Variants in CDH23 observed in about 807,000 individuals in gnomAD.
CDH23 encodes the protein cadherin related 23.
In CDH23, 189 loss-of-function variants were observed where a neutral mutation model predicts 317.1. The observed-to-expected ratio is 0.60, with a 90% CI of 0.53 to 0.67. The LOEUF (loss-of-function observed/expected upper bound fraction) is 0.67. Among genes scored for constraint, CDH23 ranks in the 30% least tolerant of loss-of-function variants. The pLI is 0.00. For missense variants in CDH23, 4,401 were observed against 4,592.4 expected (o/e 0.96, Z 1.20); for synonymous variants, 1,839 against 1,876.8 (o/e 0.98, Z 0.52).
chr10:71,806,254 C>A lies in CDH23; in HGVS notation c.8151C>A (p.Asp2717Glu). The A allele has an allele frequency of 6.4e-7, 1 of 1,567,860 alleles. No homozygotes were observed. The highest frequency in any genetic ancestry group is 8.6e-7 in the Non-Finnish European group (1 of 1,156,640). The change falls in exon 57 of 70, where the codon GAC becomes GAA. Residue 2717 changes from aspartate (D) to glutamate (E), a missense_variant. Asp to Glu is a conservative substitution (Grantham distance 45). This residue lies in a region of CDH23 where 1,144 missense variants were observed against 1,138.2 expected (regional missense o/e 1.01). Transcript: ENST00000224721. ...AGGTGGCCCTGGAGGACATCGATGACAACGAACCCCTTTTCGTGAGGCCTC... is the reference window on the plus strand; with the variant it reads ...AGGTGGCCCTGGAGGACATCGATGAAAACGAACCCCTTTTCGTGAGGCCTC... ...PLQVALEDID[D>E]NEPLFVRPPK...
chr10:71,777,740 C>A lies in CDH23; in HGVS notation c.4906C>A (p.Gln1636Lys). ...DENDNAPMFQ[Q>K]PHYEVLLDEG... ...GAATGATAACGCGCCCATGTTCCAG[C>A]AGCCCCACTATGAGGTGCTGCTGGA... The change falls in exon 39 of 70, where the codon CAG (glutamine) becomes AAG (lysine). Residue 1636 changes from glutamine (Q) to lysine (K), a missense_variant. Physicochemically the swap from Gln to Lys is moderately conservative, Grantham distance 53 (BLOSUM62 1). Coordinates refer to ENST00000224721, the MANE Select transcript of CDH23 (RefSeq NM_022124.6). 6.2e-7 allele frequency: 1 copy of A among 1,613,750 alleles called. No individual in the cohort carries two copies. The highest frequency in any genetic ancestry group is 1.1e-5 in the South Asian group (1 of 91,056).
At chr10:71,597,826 C>T (rs1859958524) in intron 9 of CDH23, among the ~76,000 whole-genome samples, 1 of 152,298 alleles carries the variant, frequency 6.6e-6, no homozygotes, top group South Asian at 2.1e-4. Flanking sequence ...TGGCCATGAA[C>T]AGGACAGACA....
intron 14 of CDH23, among the ~76,000 whole-genome samples, chr10:71,671,110 C>T (rs1347104358): frequency 3.9e-5 from 6 of 152,070 alleles, no homozygotes; most frequent in Admixed American, 3.9e-4. Context: ...CAGGCAATTG[C>T]CACCATGCCT....
At chr10:71,668,226 C>T (rs1248251314) in intron 14 of CDH23, among the ~76,000 whole-genome samples, 1 of 152,134 alleles carries the variant, frequency 6.6e-6, no homozygotes, top group Non-Finnish European at 1.5e-5. Context: ...GCAGGCATAG[C>T]TAGAGTTGCT....
intron 9 of CDH23, among the ~76,000 whole-genome samples, chr10:71,585,278 G>C (rs561121640): frequency 6.6e-6 from 1 of 152,144 alleles, no homozygotes; most frequent in Non-Finnish European, 1.5e-5. Flanking sequence ...GCAGAAAGGG[G>C]CATATTCATA....
chr10:71,642,215 G>A (rs561448051), intron 11 of CDH23, among the ~76,000 whole-genome samples: 82 of 152,028 alleles, frequency 5.4e-4, no homozygotes, highest in Non-Finnish European at 1.1e-3. Flanking sequence ...CGCTCAGATG[G>A]TACATCTCAG....
intron 8 of CDH23, among the ~76,000 whole-genome samples, chr10:71,576,223 T>G (rs1419528686): frequency 3.3e-5 from 5 of 152,204 alleles, no homozygotes; most frequent in Non-Finnish European, 7.3e-5. Context: ...GGCCTAGCCC[T>G]GCTCTGCATG....
chr10:71,675,177 G>A lies in CDH23; in HGVS notation c.1514+1G>A, dbSNP rs2132664539. The stretch of plus-strand genomic sequence containing the variant: ...ACTTCTTCAGTGATGACCCTGACAG[G>A]TGAGACTCTGCCCACAGCCCCTCAG... On this transcript the variant is annotated splice_donor_variant, in intron 15 of 69. Coordinates refer to ENST00000224721, the MANE Select transcript of CDH23 (RefSeq NM_022124.6). LOFTEE classifies it high-confidence loss of function. The A allele has an allele frequency of 6.2e-7, 1 of 1,613,508 alleles. No individual in the cohort carries two copies. The highest frequency in any genetic ancestry group is 1.1e-5 in the South Asian group (1 of 91,054).
intron 1 of CDH23, among the ~76,000 whole-genome samples, chr10:71,414,897 T>G (rs1397862896): frequency 3.3e-5 from 5 of 152,220 alleles, no homozygotes; most frequent in Non-Finnish European, 7.3e-5. Context: ...ACCATTTATA[T>G]TCTTATGTTT....
rs1342113178 is a variant in CDH23 at position 71,578,005 on chromosome 10, G to A, written c.832+13G>A. Reference sequence around the variant, plus strand: ...ACCATCGTTTCAGGTAAGACAGAAGGCTGCCCCTCTCTCCTCTCACCCCTC... The same window carrying A: ...ACCATCGTTTCAGGTAAGACAGAAGACTGCCCCTCTCTCCTCTCACCCCTC... On this transcript the variant is annotated intron_variant, in intron 9 of 69. Transcript: ENST00000224721. 6 of 1,584,400 alleles carry A rather than the reference G, an allele frequency of 3.8e-6. No individual in the cohort carries two copies. The African/African-American group carries it at 5.4e-5, about 14-fold the overall frequency.
At chr10:71,755,356 C>CA in intron 38 of CDH23, 1 of 1,603,116 alleles carries the variant, frequency 6.2e-7, no homozygotes, top group Non-Finnish European at 8.5e-7. Context: ...GAGGAATACT[C>CA]ACGGCGGTTG....
At chr10:71,523,296 C>G (rs368014149) in intron 6 of CDH23, among the ~76,000 whole-genome samples, 2 of 152,292 alleles carry the variant, frequency 1.3e-5, no homozygotes, top group East Asian at 3.9e-4. Flanking sequence ...TTTTCCTTTC[C>G]TGGTCAAGGC....
intron 3 of CDH23, among the ~76,000 whole-genome samples, chr10:71,504,932 G>T (rs1853552226): frequency 6.6e-6 from 1 of 152,176 alleles, no homozygotes; most frequent in Admixed American, 6.5e-5. Flanking sequence ...TCTCCTGCAG[G>T]GAGAGTGGGG....
intron 11 of CDH23, among the ~76,000 whole-genome samples, chr10:71,627,616 C>T (rs1044663462): frequency 2.6e-5 from 4 of 152,178 alleles, no homozygotes; most frequent in Non-Finnish European, 5.9e-5. Flanking sequence ...TACCAGTGCC[C>T]ACCCCTCACC....
intron 1 of CDH23, among the ~76,000 whole-genome samples, chr10:71,418,392 C>T (rs142778561): frequency 2.5e-4 from 38 of 152,248 alleles, no homozygotes; most frequent in African/African-American, 9.1e-4. Flanking sequence ...CATTGTAATG[C>T]TTCATTTTCA....
At chr10:71,807,219 G>T in intron 57 of CDH23, 58 bp from the exon 58 acceptor site, 2 of 1,594,256 alleles carry the variant, frequency 1.3e-6, no homozygotes, top group Non-Finnish European at 1.7e-6. Flanking sequence ...CTGAAACAGG[G>T]ACTGGAAGCT....
chr10:71,567,562 A>G (rs1159951608), intron 7 of CDH23, among the ~76,000 whole-genome samples: 2 of 152,256 alleles, frequency 1.3e-5, no homozygotes, highest in African/African-American at 4.8e-5. Flanking sequence ...CACACAGCCC[A>G]TGAGTAGTGG....
chr10:71,414,649 A>AT (rs58644793), intron 1 of CDH23, among the ~76,000 whole-genome samples: 1 of 152,044 alleles, frequency 6.6e-6, no homozygotes, highest in Admixed American at 6.6e-5. Flanking sequence ...TGTTCATGTG[A>AT]TTTTTTTCTT....
In CDH23 at chr10:71,762,161, C is replaced by T. The variant is rs895568338; in HGVS notation, c.4846-15519C>T. The T allele has an allele frequency of 5.8e-6, 6 of 1,033,884 alleles. No individual in the cohort carries two copies. The African/African-American group carries it at 8.1e-5, about 14-fold the overall frequency. 64.0% of individuals were successfully genotyped at this position (1,033,884 alleles called of 1,614,324 possible). ...GGCATGTCAGCTGACCTCCCTAAGA[C>T]TGCCTTCTGCATTTGTTCACAAACC... is the stretch of plus-strand genomic sequence containing the variant. On this transcript the variant is annotated intron_variant, in intron 38 of 69. Transcript: ENST00000224721.
Sources: allele counts gnomAD v4.1 joint callset (sites outside exome capture counted in the v4.1 genomes callset), GRCh38; gene constraint gnomAD v4.1.1; regional missense constraint gnomAD v4.1.1; transcripts MANE v1.5; gene names NCBI Gene and HGNC (gene_info 2026-07-23, HGNC 2026-07-21).